Variants in CACNB2 observed in about 807,000 individuals in gnomAD.
CACNB2 encodes calcium voltage-gated channel auxiliary subunit beta 2, also known as voltage-dependent L-type calcium channel subunit beta-2.
CACNB2 carries 42 observed loss-of-function variants against 73.3 expected under a neutral mutation model. That is an observed-to-expected ratio of 0.57 (90% CI 0.45 to 0.74). The LOEUF (loss-of-function observed/expected upper bound fraction) is 0.74, where lower values mean the gene tolerates loss of function less well. Among genes scored for constraint, CACNB2 ranks in the 30% least tolerant of loss-of-function variants. The pLI is 0.00. For synonymous variants in CACNB2, 348 were observed against 310.3 expected (o/e 1.12, Z -1.28); for missense variants, 940 against 853.0 (o/e 1.10, Z -1.27).
intron 2 of CACNB2, among the ~76,000 whole-genome samples, chr10:18,284,174 A>T (rs1225930920): frequency 2.0e-5 from 3 of 152,208 alleles, no homozygotes; most frequent in Non-Finnish European, 4.4e-5. Flanking sequence ...GGCAAAGAAG[A>T]GCAAAGTCAC....
rs117265307 is a variant in CACNB2 at position 18,303,052 on chromosome 10, G to C, written c.214-98872G>C. On this transcript the variant is annotated intron_variant, in intron 2 of 13. Coordinates refer to ENST00000324631, the MANE Select transcript of CACNB2 (RefSeq NM_201596.3). The stretch of plus-strand genomic sequence containing the variant: ...GCTTCACGGGGGTCTCCTTAGACTC[G>C]TTAGTCTCATGGTGGCACTCACAGT... 5.1e-3 allele frequency among the ~76,000 whole-genome samples: 773 copies of C among 152,166 alleles called. 5 individuals are homozygous for C. The highest frequency in any genetic ancestry group is 7.9e-3 in the Non-Finnish European group (537 of 68,014).
intron 2 of CACNB2, among the ~76,000 whole-genome samples, chr10:18,363,704 G>A (rs949553982): frequency 2.6e-5 from 4 of 151,982 alleles, no homozygotes; most frequent in Admixed American, 2.0e-4. Flanking sequence ...CTGAATTCAG[G>A]TCTTTGTCTA....
chr10:18,338,415 G>C (rs535769729), intron 2 of CACNB2, among the ~76,000 whole-genome samples: 2 of 152,314 alleles, frequency 1.3e-5, no homozygotes, highest in South Asian at 4.1e-4. Flanking sequence ...GAGATAACAA[G>C]TGTTGTTGAG....
chr10:18,426,490 A>C (rs2045605258), intron 3 of CACNB2, among the ~76,000 whole-genome samples: 1 of 152,100 alleles, frequency 6.6e-6, no homozygotes, highest in Non-Finnish European at 1.5e-5. Flanking sequence ...TTTTCTGTAG[A>C]TTCTTGGGTT....
intron 3 of CACNB2, among the ~76,000 whole-genome samples, chr10:18,439,133 G>A (rs1378819344): frequency 3.3e-5 from 5 of 152,204 alleles, no homozygotes; most frequent in African/African-American, 9.7e-5. Context: ...GGAGTTCACA[G>A]AAAAGGAGTG....
chr10:18,505,134 C>G lies in CACNB2; in HGVS notation c.594-1337C>G, dbSNP rs569981084. ...CAAATCTGCATCCTGGTCATTGTCA[C>G]CATTTGCAGCATTTGTCACAATTTT... On this transcript the variant is annotated intron_variant, in intron 5 of 13. Transcript: ENST00000324631. 1.6e-3 allele frequency among the ~76,000 whole-genome samples: 250 copies of G among 151,986 alleles called. 2 individuals are homozygous for G. The highest frequency in any genetic ancestry group is 3.1e-3 in the Non-Finnish European group (208 of 68,016).
At chr10:18,330,731 TG>T (rs1329033064) in intron 2 of CACNB2, among the ~76,000 whole-genome samples, 22 of 151,496 alleles carry the variant, frequency 1.5e-4, no homozygotes, top group Admixed American at 8.5e-4. Flanking sequence ...TGCAGTGGCA[TG>T]ATCTCGACTC....
At chr10:18,433,319 A>G (rs1298384579) in intron 3 of CACNB2, among the ~76,000 whole-genome samples, 2 of 152,202 alleles carry the variant, frequency 1.3e-5, no homozygotes, top group African/African-American at 4.8e-5. Context: ...ATCAGCGACC[A>G]CAAAAAAACC....
chr10:18,186,481 A>C (rs962562155), intron 2 of CACNB2, among the ~76,000 whole-genome samples: 1 of 152,150 alleles, frequency 6.6e-6, no homozygotes, highest in East Asian at 1.9e-4. Context: ...AAGAAGTTTA[A>C]TTGGCTCACA....
intron 3 of CACNB2, among the ~76,000 whole-genome samples, chr10:18,467,431 A>G (rs973994257): frequency 6.6e-6 from 1 of 152,190 alleles, no homozygotes; most frequent in African/African-American, 2.4e-5. Context: ...TATGCCAGCA[A>G]CTGGGAAAAC....
rs188238097 is a variant in CACNB2, at chr10:18,252,498, C to A, written c.213+101523C>A. ...CCATTATTATGGGATGCATTTCGAG[C>A]CTTGTTTCTGCATTTTGTATTGCCA... On this transcript the variant is annotated intron_variant, in intron 2 of 13. Transcript: ENST00000324631. Among the ~76,000 whole-genome samples, 1,383 of 152,118 alleles carry A rather than the reference C, an allele frequency of 9.1e-3. 17 individuals are homozygous for A. Among genetic ancestry groups the A allele is most frequent in the Admixed American group, 0.014 (213 of 15,286 alleles).
At chr10:18,251,998 A>G (rs1047433392) in intron 2 of CACNB2, among the ~76,000 whole-genome samples, 1 of 152,204 alleles carries the variant, frequency 6.6e-6, no homozygotes, top group Admixed American at 6.5e-5. Context: ...CTTCTTCATA[A>G]TTGATATGAG....
intron 3 of CACNB2, among the ~76,000 whole-genome samples, chr10:18,447,545 A>G (rs11014262): frequency 0.62 from 94,717 of 152,012 alleles, 31,037 homozygotes; most frequent in South Asian, 0.74. Context: ...AGCAAACTAG[A>G]ATAGGACTTT....
At chr10:18,536,401 G>A (rs1344985179) in intron 12 of CACNB2, among the ~76,000 whole-genome samples, 1 of 151,318 alleles carries the variant, frequency 6.6e-6, no homozygotes, top group African/African-American at 2.4e-5. Flanking sequence ...TGAGACTATA[G>A]GTGCATGCCA....
intron 2 of CACNB2, among the ~76,000 whole-genome samples, chr10:18,359,600 T>A (rs1285878450): frequency 8.2e-6 from 1 of 122,196 alleles, no homozygotes; most frequent in Non-Finnish European, 1.7e-5. Context: ...CATTCTGTTT[T>A]GTTTTTTTTT....
intron 13 of CACNB2, among the ~76,000 whole-genome samples, chr10:18,538,903 G>A (rs950962609): frequency 2.0e-5 from 3 of 151,622 alleles, no homozygotes; most frequent in African/African-American, 4.8e-5. Flanking sequence ...TTACACCGCT[G>A]TATAGAAAAA....
chr10:18,184,230 C>G (rs78011989), intron 2 of CACNB2, among the ~76,000 whole-genome samples: 1 of 152,168 alleles, frequency 6.6e-6, no homozygotes, highest in Non-Finnish European at 1.5e-5. Context: ...AAGAGAAAGA[C>G]AGGACTTCTT....
intron 2 of CACNB2, among the ~76,000 whole-genome samples, chr10:18,255,885 G>T (rs1197172354): frequency 6.6e-6 from 1 of 152,102 alleles, no homozygotes; most frequent in Non-Finnish European, 1.5e-5. Context: ...GGCTTCTTTA[G>T]GTCTTTCATT....
intron 6 of CACNB2, among the ~76,000 whole-genome samples, chr10:18,511,789 T>A (rs1391778847): frequency 6.6e-6 from 1 of 152,114 alleles, no homozygotes; most frequent in Non-Finnish European, 1.5e-5. Flanking sequence ...GGCACCCAGA[T>A]TGAGAAGGGA....
Sources: gnomAD v4.1 joint callset for allele counts (sites outside exome capture counted in the v4.1 genomes callset) on GRCh38, gnomAD v4.1.1 for gene constraint, MANE v1.5 for transcripts, NCBI Gene and HGNC (gene_info 2026-07-23, HGNC 2026-07-21) for gene names.